KCTD4: variants seen among roughly 807,000 people sequenced by gnomAD.
The protein encoded by KCTD4 is BTB/POZ domain-containing protein KCTD4.
In KCTD4, 12 loss-of-function variants were observed where a neutral mutation model predicts 18.3. The ratio of observed to expected loss-of-function variants is 0.66; its 90% CI spans 0.42 to 1.06. The LOEUF is 1.06. KCTD4 is among the 50% of genes least tolerant of loss of function. The probability of loss-of-function intolerance (pLI) is 0.00; values close to 1 mark genes in which losing one functional copy is unlikely to be tolerated. For synonymous variants in KCTD4, 124 were observed against 110.5 expected, an observed-to-expected ratio of 1.12 and a Z score of -0.76; for missense variants, 250 against 303.4, an observed-to-expected ratio of 0.82 and a Z score of 1.31.
chr13:45,194,375 C>T lies in KCTD4; in HGVS notation c.193G>A (p.Gly65Arg). 1.9e-6 allele frequency: 3 copies of T among 1,614,156 alleles called. No homozygotes were observed. Among genetic ancestry groups the T allele is most frequent in the Non-Finnish European group, 2.5e-6 (3 of 1,180,002 alleles). ...PDTFLEGIVN[G>R]KILCPFDADG... Reference sequence around the variant, plus strand: ...GCATCAAACGGGCAGAGGATTTTTCCATTTACTATACCTTCAAGGAAAGTG... The same window carrying T: ...GCATCAAACGGGCAGAGGATTTTTCTATTTACTATACCTTCAAGGAAAGTG... The change falls in exon 2 of 2, where the codon GGA (glycine) becomes AGA (arginine). Residue 65 changes from glycine to arginine, a missense_variant. Coordinates refer to ENST00000379108, the MANE Select transcript of KCTD4 (RefSeq NM_198404.3).
In KCTD4 at chr13:45,193,602, G is replaced by A; in HGVS notation, c.*186C>T. On this transcript the variant is annotated 3_prime_UTR_variant, in exon 2 of 2. Transcript: ENST00000379108. ...TTAGGTGGAAGAGTCTGATCAGTAG[G>A]AACACCCCAGAGGAAGGACATCTTT... 1.8e-6 allele frequency: 1 copy of A among 559,884 alleles called. No individual in the cohort carries two copies. Among genetic ancestry groups the A allele is most frequent in the Non-Finnish European group, 3.1e-6 (1 of 320,018 alleles). The allele number at this position is 559,884 out of a possible 1,614,324, so 34.7% of individuals were successfully genotyped here.
chr13:45,195,146 A>G (rs1021002435), intron 1 of KCTD4, among the ~76,000 whole-genome samples: 2 of 152,230 alleles, frequency 1.3e-5, no homozygotes, highest in African/African-American at 4.8e-5. Context: ...TGAGACACAA[A>G]TAAGAATACT....
rs1284333557 is a variant in KCTD4, at chr13:45,194,616, T to A, written c.-49A>T. ...TGTTCTTCTTGGCTTTGAGATTTTT[T>A]AAAAAGAGACACTACCACACAAGCA... On this transcript the variant is annotated 5_prime_UTR_variant, in exon 2 of 2. Transcript: ENST00000379108. The A allele has an allele frequency of 2.6e-6, 4 of 1,521,378 alleles. No homozygotes were observed. Among genetic ancestry groups the A allele is most frequent in the Middle Eastern group, 1.7e-4 (1 of 5,718 alleles). 94.2% of individuals were successfully genotyped at this position (1,521,378 alleles called of 1,614,324 possible).
chr13:45,196,360 T>C (rs1872890472), intron 1 of KCTD4, among the ~76,000 whole-genome samples: 1 of 152,220 alleles, frequency 6.6e-6, no homozygotes, highest in Non-Finnish European at 1.5e-5. Flanking sequence ...CCTGCAGCAC[T>C]TAATAAGACT....
chr13:45,195,429 G>T (rs1566131175), intron 1 of KCTD4, among the ~76,000 whole-genome samples: 1 of 152,156 alleles, frequency 6.6e-6, no homozygotes, highest in Non-Finnish European at 1.5e-5. Flanking sequence ...AAAATACTGT[G>T]ACTGTGTATG....
chr13:45,195,680 C>T (rs1872855916), intron 1 of KCTD4, among the ~76,000 whole-genome samples: 1 of 152,156 alleles, frequency 6.6e-6, no homozygotes, highest in South Asian at 2.1e-4. Context: ...CCTTCCAAAG[C>T]AATTTAGGGT....
At position 45,194,515 on chromosome 13, in the gene KCTD4, T is replaced by C; in HGVS notation, c.53A>G (p.His18Arg). Residue 18 changes from histidine to arginine, a missense_variant, in exon 2 of 2, where the codon CAC becomes CGC. Coordinates refer to ENST00000379108, the MANE Select transcript of KCTD4 (RefSeq NM_198404.3). ...REKEKEYEGKHNSLEDTDQGK... is the reference protein window; with the variant it reads ...REKEKEYEGKRNSLEDTDQGK... Reference sequence around the variant, plus strand: ...TTGATCAGTATCTTCCAGGCTGTTGTGTTTCCCTTCATACTCCTTTTCTTT... The same window carrying C: ...TTGATCAGTATCTTCCAGGCTGTTGCGTTTCCCTTCATACTCCTTTTCTTT... 1 of 1,614,154 alleles carries C rather than the reference T, an allele frequency of 6.2e-7. No homozygotes were observed. The highest frequency in any genetic ancestry group is 8.5e-7 in the Non-Finnish European group (1 of 1,179,984).
At chr13:45,198,937 C>T (rs921081858) in intron 1 of KCTD4, among the ~76,000 whole-genome samples, 3 of 152,128 alleles carry the variant, frequency 2.0e-5, no homozygotes, top group African/African-American at 4.8e-5. Flanking sequence ...AGGATTTTCC[C>T]ATGTTAATGT....
At chr13:45,200,572 A>G (rs957835374) in intron 1 of KCTD4, among the ~76,000 whole-genome samples, 6 of 152,184 alleles carry the variant, frequency 3.9e-5, no homozygotes, top group Non-Finnish European at 1.5e-5. Context: ...GGGATTACAG[A>G]TGTGAGCCAC....
At position 45,193,739 on chromosome 13, in the gene KCTD4, C is replaced by T. The variant is rs754608643; in HGVS notation, c.*49G>A. 11 of 1,520,172 alleles carry T rather than the reference C, an allele frequency of 7.2e-6. No homozygotes were observed. The highest frequency in any genetic ancestry group is 3.9e-5 in the South Asian group (3 of 76,040). 94.2% of individuals were successfully genotyped at this position (1,520,172 alleles called of 1,614,324 possible). On this transcript the variant is annotated 3_prime_UTR_variant, in exon 2 of 2. Coordinates refer to ENST00000379108, the MANE Select transcript of KCTD4 (RefSeq NM_198404.3). ...GGATGTCTTTGATGCTGTGGTTTTC[C>T]GAAGCTTGCTGGCTGCATGCTTGTT...
chr13:45,200,455 C>G (rs1214366304), intron 1 of KCTD4, among the ~76,000 whole-genome samples: 1 of 152,092 alleles, frequency 6.6e-6, no homozygotes. Flanking sequence ...CACAGGCATA[C>G]CCCACCATAC....
intron 1 of KCTD4, among the ~76,000 whole-genome samples, chr13:45,196,587 A>G (rs2138176657): frequency 6.6e-6 from 1 of 152,330 alleles, no homozygotes; most frequent in African/African-American, 2.4e-5. Flanking sequence ...AGGCATAACA[A>G]TTTCATTTAT....
chr13:45,199,455 C>CCAA (rs1873066911), intron 1 of KCTD4, among the ~76,000 whole-genome samples: 1 of 152,100 alleles, frequency 6.6e-6, no homozygotes, highest in African/African-American at 2.4e-5. Context: ...ATGAGTATTT[C>CCAA]AGGGAAACCT....
chr13:45,198,979 A>G (rs115568676), intron 1 of KCTD4, among the ~76,000 whole-genome samples: 176 of 152,264 alleles, frequency 1.2e-3, no homozygotes, highest in African/African-American at 4.1e-3. Context: ...TTTTAGTTCT[A>G]TTTTGAAATA....
intron 1 of KCTD4, among the ~76,000 whole-genome samples, chr13:45,200,309 T>C (rs143222011): frequency 1.1e-3 from 175 of 152,260 alleles, no homozygotes; most frequent in African/African-American, 4.1e-3. Context: ...CAAATTATTT[T>C]ATAACTTTTA....
intron 1 of KCTD4, among the ~76,000 whole-genome samples, chr13:45,198,697 AT>A (rs532691559): frequency 4.1e-5 from 6 of 145,420 alleles, no homozygotes; most frequent in Admixed American, 6.8e-5. Context: ...ACTTGCCCAC[AT>A]TTTTTTTTTG....
chr13:45,200,000 C>CT (rs1292232415), intron 1 of KCTD4, among the ~76,000 whole-genome samples: 2 of 151,932 alleles, frequency 1.3e-5, no homozygotes, highest in Non-Finnish European at 2.9e-5. Flanking sequence ...ATGGAGAACT[C>CT]TATCATATCA....
rs554467634 is a variant in KCTD4 at position 45,197,212 on chromosome 13, G to T, written c.-187-2458C>A. Among the ~76,000 whole-genome samples the T allele has an allele frequency of 1.2e-4, 18 of 151,636 alleles. No homozygotes were observed. The South Asian group carries it at 3.6e-3, about 30-fold the overall frequency. On this transcript the variant is annotated intron_variant, in intron 1 of 1. Transcript: ENST00000379108. The stretch of plus-strand genomic sequence containing the variant: ...ACTTGCAGACTTAAAGAAGAAAAAT[G>T]TAGGCCGGGCATGTTGGCTTATGCC...
chr13:45,197,156 T>G (rs894527476), intron 1 of KCTD4, among the ~76,000 whole-genome samples: 2 of 151,654 alleles, frequency 1.3e-5, no homozygotes, highest in African/African-American at 4.8e-5. Flanking sequence ...CTTATACAAA[T>G]CCATAGGACT....
Sources: allele counts gnomAD v4.1 joint callset (sites outside exome capture counted in the v4.1 genomes callset), GRCh38; gene constraint gnomAD v4.1.1; transcripts MANE v1.5; gene names NCBI Gene and HGNC (gene_info 2026-07-23, HGNC 2026-07-21).